Variants in LOXHD1 observed in about 807,000 individuals in gnomAD.
The protein encoded by LOXHD1 is lipoxygenase homology domain-containing protein 1.
In LOXHD1, 205 loss-of-function variants were observed where a neutral mutation model predicts 248.2. The ratio of observed to expected loss-of-function variants is 0.83; its 90% CI spans 0.74 to 0.93. The LOEUF is 0.93. Among genes scored for constraint, LOXHD1 ranks in the 40% least tolerant of loss-of-function variants. LOXHD1 has a pLI of 0.00. For missense variants in LOXHD1, 2,930 were observed against 2,971.6 expected, an observed-to-expected ratio of 0.99 and a Z score of 0.33; for synonymous variants, 1,113 against 1,162.8, an observed-to-expected ratio of 0.96 and a Z score of 0.87.
intron 40 of LOXHD1, among the ~76,000 whole-genome samples, chr18:46,478,798 T>A (rs1053011294): frequency 6.6e-6 from 1 of 152,186 alleles, no homozygotes; most frequent in Non-Finnish European, 1.5e-5. Flanking sequence ...GCTCAAGTCA[T>A]CCTCCTGCCT....
chr18:46,565,203 GTGAGCTGAGATTGTGCCACTGCAC>G (rs1369759278), intron 17 of LOXHD1, among the ~76,000 whole-genome samples: 1 of 151,860 alleles, frequency 6.6e-6, no homozygotes, highest in Non-Finnish European at 1.5e-5. Flanking sequence ...GGAGGTTGCA[GTGAGCTGAGATTGTGCCACTGCAC>G]TCCAGCCTGG....
At chr18:46,564,885 G>A (rs1351639751) in intron 17 of LOXHD1, among the ~76,000 whole-genome samples, 1 of 152,200 alleles carries the variant, frequency 6.6e-6, no homozygotes, top group Non-Finnish European at 1.5e-5. Context: ...GGGAGCGGGA[G>A]AGGTGATTTC....
At chr18:46,614,103 A>G (rs992568565) in intron 5 of LOXHD1, among the ~76,000 whole-genome samples, 1 of 152,190 alleles carries the variant, frequency 6.6e-6, no homozygotes, top group African/African-American at 2.4e-5. Context: ...AAATAGGAAC[A>G]CTTTTACACT....
At chr18:46,551,883 A>T (rs2037120262) in intron 21 of LOXHD1, among the ~76,000 whole-genome samples, 1 of 152,254 alleles carries the variant, frequency 6.6e-6, no homozygotes, top group African/African-American at 2.4e-5. Context: ...AAAAGGAAGG[A>T]CATCCTGTCA....
intron 6 of LOXHD1, among the ~76,000 whole-genome samples, chr18:46,606,607 T>A (rs2144299839): frequency 6.6e-6 from 1 of 152,270 alleles, no homozygotes; most frequent in East Asian, 1.9e-4. Context: ...TAGACTTGGG[T>A]CCCATCCCAA....
chr18:46,592,900 T>C (rs148980003), intron 10 of LOXHD1, among the ~76,000 whole-genome samples: 103 of 152,258 alleles, frequency 6.8e-4, no homozygotes, highest in African/African-American at 2.3e-3. Flanking sequence ...ACAAAATCTA[T>C]AGGGCAGCCC....
chr18:46,637,186 C>A (rs183531695), intron 4 of LOXHD1, among the ~76,000 whole-genome samples: 1 of 152,058 alleles, frequency 6.6e-6, no homozygotes, highest in Non-Finnish European at 1.5e-5. Context: ...CAGAAAAAAA[C>A]CATTGGAATA....
intron 37 of LOXHD1, among the ~76,000 whole-genome samples, chr18:46,491,970 A>C (rs890349943): frequency 1.3e-5 from 2 of 152,222 alleles, no homozygotes; most frequent in Non-Finnish European, 2.9e-5. Flanking sequence ...TTTTCAAATT[A>C]GAATTCCTCA....
rs182939314 is a variant in LOXHD1 at position 46,610,267 on chromosome 18, A to G, written c.759+509T>C. Among the ~76,000 whole-genome samples the G allele has an allele frequency of 8.5e-5, 13 of 152,228 alleles. No homozygotes were observed. The East Asian group carries it at 1.4e-3, about 16-fold the overall frequency. On this transcript the variant is annotated intron_variant, in intron 6 of 40. Transcript: ENST00000642948. ...CTTTTGCAGGGACATGGATGAAGCCAGAAACCGTCATTCTTAGCAAACTAT... is the reference window on the plus strand; with the variant it reads ...CTTTTGCAGGGACATGGATGAAGCCGGAAACCGTCATTCTTAGCAAACTAT...
intron 12 of LOXHD1, among the ~76,000 whole-genome samples, 166 bp downstream of exon 12, chr18:46,591,767 C>A (rs190313589): frequency 6.4e-4 from 98 of 152,298 alleles, no homozygotes; most frequent in Middle Eastern, 3.4e-3. Flanking sequence ...TTGGAGATGG[C>A]TTTTCCAAGC....
Position 46,646,110 on chromosome 18 carries a change from G to A in LOXHD1, c.245+3045C>T, listed in dbSNP as rs571997054. 3.9e-5 allele frequency among the ~76,000 whole-genome samples: 6 copies of A among 152,372 alleles called. 1 individual carries two copies. In the South Asian group the frequency reaches 8.3e-4, roughly 21 times the overall value. On this transcript the variant is annotated intron_variant, in intron 2 of 40. Coordinates refer to ENST00000642948, the MANE Select transcript of LOXHD1 (RefSeq NM_001384474.1). Reference sequence around the variant, plus strand: ...GTGTGTGTGTATTATAGGTGAGCAAGGAAAATGCAGTTGGTTCTAGCTGCC... The same window carrying A: ...GTGTGTGTGTATTATAGGTGAGCAAAGAAAATGCAGTTGGTTCTAGCTGCC...
intron 37 of LOXHD1, among the ~76,000 whole-genome samples, chr18:46,494,849 C>CTTTTTTTTTTTTTTTTTTTTTTTTTT (rs58016824): frequency 1.0e-5 from 1 of 96,554 alleles, no homozygotes; most frequent in Non-Finnish European, 2.1e-5. Context: ...TTCTCTCTCT[C>CTTTTTTTTTTTTTTTTTTTTTTTTTT]TTTTTTTTTT....
chr18:46,523,676 A>T (rs553292365), intron 31 of LOXHD1, among the ~76,000 whole-genome samples: 2 of 152,128 alleles, frequency 1.3e-5, no homozygotes, highest in South Asian at 4.2e-4. Flanking sequence ...AAGTTTCCAA[A>T]CTGTCTCTTC....
rs2037884195 is a variant in LOXHD1 at position 46,577,695 on chromosome 18, G to A, written c.1970+12C>T. 1 of 1,547,902 alleles carries A rather than the reference G, an allele frequency of 6.5e-7. No individual in the cohort carries two copies. The highest frequency in any genetic ancestry group is 1.2e-5 in the South Asian group (1 of 83,952). ...AAGCTGGAGAAAACACCAGCAGGCA[G>A]GACGCATGTACCTGAGACATGGGAA... On this transcript the variant is annotated intron_variant, in intron 14 of 40. Coordinates refer to ENST00000642948, the MANE Select transcript of LOXHD1 (RefSeq NM_001384474.1).
At chr18:46,548,420 G>A (rs1015135930) in intron 21 of LOXHD1, among the ~76,000 whole-genome samples, 33 of 152,314 alleles carry the variant, frequency 2.2e-4, no homozygotes, top group African/African-American at 7.9e-4. Context: ...ACCAGAGAGC[G>A]AGATCTCAGT....
At chr18:46,639,003 G>A (rs2038928332) in intron 4 of LOXHD1, among the ~76,000 whole-genome samples, 1 of 152,176 alleles carries the variant, frequency 6.6e-6, no homozygotes, top group South Asian at 2.1e-4. Context: ...AAGCAAATAT[G>A]TTCTGTGATG....
chr18:46,601,398 A>C lies in LOXHD1; in HGVS notation c.953T>G (p.Leu318Trp), dbSNP rs1342121225. The C allele has an allele frequency of 1.3e-6, 2 of 1,551,686 alleles. No homozygotes were observed. Among genetic ancestry groups the C allele is most frequent in the Non-Finnish European group, 1.7e-6 (2 of 1,146,988 alleles). The change falls in exon 8 of 41, where the codon TTG (leucine) becomes TGG (tryptophan). Residue 318 changes from leucine (L) to tryptophan (W), a missense_variant. Leu to Trp is a moderately conservative substitution (Grantham distance 61). Coordinates refer to ENST00000642948, the MANE Select transcript of LOXHD1 (RefSeq NM_001384474.1). ...ATTCCCTCTGGCCCCATACATGACC[A>C]AGTAGATTTTGGATTTGGTACCAGC... ...RGAGTKSKIY[L>W]VMYGARGNKN...
At chr18:46,556,437 T>C (rs2037333110) in intron 21 of LOXHD1, among the ~76,000 whole-genome samples, 1 of 152,036 alleles carries the variant, frequency 6.6e-6, no homozygotes, top group South Asian at 2.1e-4. Flanking sequence ...GTCTGGGGGA[T>C]CTATTGGACT....
chr18:46,508,969 C>T (rs969612656), intron 35 of LOXHD1, among the ~76,000 whole-genome samples: 1 of 152,140 alleles, frequency 6.6e-6, no homozygotes, highest in Non-Finnish European at 1.5e-5. Context: ...AGCCGCACAG[C>T]TGGGGAAGGT....
Sources: allele counts gnomAD v4.1 joint callset (sites outside exome capture counted in the v4.1 genomes callset), GRCh38; gene constraint gnomAD v4.1.1; transcripts MANE v1.5; gene names NCBI Gene and HGNC (gene_info 2026-07-23, HGNC 2026-07-21).